IMMP2L: variants seen among roughly 807,000 people sequenced by gnomAD.
The protein encoded by IMMP2L is mitochondrial inner membrane protease subunit 2.
IMMP2L carries 18 observed loss-of-function variants against 19.3 expected under a neutral mutation model. The ratio of observed to expected loss-of-function variants is 0.93; its 90% CI spans 0.64 to 1.38. IMMP2L has a LOEUF of 1.38. IMMP2L is among the 40% of genes most tolerant of loss of function. The probability of loss-of-function intolerance (pLI) is 0.00; values close to 1 mark genes in which losing one functional copy is unlikely to be tolerated. For synonymous variants in IMMP2L, 76 were observed against 73.0 expected (o/e 1.04, Z -0.21); for missense variants, 233 against 218.2 (o/e 1.07, Z -0.43).
Position 110,868,390 on chromosome 7 carries a change from G to A in IMMP2L, c.408+18203C>T, listed in dbSNP as rs150202714. 3.5e-3 allele frequency among the ~76,000 whole-genome samples: 535 copies of A among 152,110 alleles called. 22 individuals are homozygous for A. The East Asian group carries it at 0.062, about 18-fold the overall frequency. ...AGACAACCCTTTGAGCTAGTTTAGC[G>A]ATAAGCACCAAAATCAATCACCCCA... On this transcript the variant is annotated intron_variant, in intron 5 of 5. Coordinates refer to ENST00000405709, the MANE Select transcript of IMMP2L (RefSeq NM_032549.4).
intron 2 of IMMP2L, among the ~76,000 whole-genome samples, chr7:111,519,020 C>T (rs1272381425): frequency 2.0e-5 from 3 of 152,104 alleles, no homozygotes; most frequent in African/African-American, 4.8e-5. Context: ...GGACCAATCA[C>T]GGTACCCCAT....
chr7:111,506,874 C>T (rs762341424), intron 2 of IMMP2L, among the ~76,000 whole-genome samples: 3 of 152,122 alleles, frequency 2.0e-5, no homozygotes, highest in East Asian at 1.9e-4. Context: ...CAGAGTCTCA[C>T]GGTGTCACCC....
intron 2 of IMMP2L, among the ~76,000 whole-genome samples, chr7:111,519,619 A>G (rs1846166613): frequency 6.6e-6 from 1 of 152,098 alleles, no homozygotes; most frequent in African/African-American, 2.4e-5. Flanking sequence ...TTGTCCTTTC[A>G]TAAGGCAGTC....
intron 1 of IMMP2L, among the ~76,000 whole-genome samples, chr7:111,527,260 T>C (rs1008370307): frequency 2.0e-5 from 3 of 151,888 alleles, no homozygotes; most frequent in Non-Finnish European, 4.4e-5. Context: ...TCTCTAAAAA[T>C]TTAAAAATTA....
intron 3 of IMMP2L, among the ~76,000 whole-genome samples, chr7:111,396,089 C>T (rs1160835429): frequency 6.6e-6 from 1 of 152,064 alleles, no homozygotes; most frequent in Admixed American, 6.5e-5. Flanking sequence ...CCTCAAGGAT[C>T]TAGAACTAGA....
At chr7:111,196,697 ATT>A (rs1030517269) in intron 3 of IMMP2L, among the ~76,000 whole-genome samples, 3 of 152,140 alleles carry the variant, frequency 2.0e-5, no homozygotes, top group Non-Finnish European at 4.4e-5. Context: ...TTAAATAATC[ATT>A]TTTCCTAGCT....
intron 3 of IMMP2L, among the ~76,000 whole-genome samples, chr7:111,161,917 C>T (rs1396590525): frequency 6.6e-6 from 1 of 151,882 alleles, no homozygotes; most frequent in African/African-American, 2.4e-5. Context: ...AATAAAGTAT[C>T]CAACATTTAA....
chr7:111,409,473 TA>T (rs1834182659), intron 3 of IMMP2L, among the ~76,000 whole-genome samples: 1 of 151,810 alleles, frequency 6.6e-6, no homozygotes, highest in Non-Finnish European at 1.5e-5. Flanking sequence ...AATCCATTTT[TA>T]AAAGAAGCTG....
intron 5 of IMMP2L, among the ~76,000 whole-genome samples, chr7:110,751,109 G>C (rs747114364): frequency 6.6e-5 from 10 of 151,228 alleles, no homozygotes; most frequent in Non-Finnish European, 1.3e-4. Flanking sequence ...ACTCTCTTGA[G>C]AACATAATGG....
At chr7:111,468,199 T>A (rs909159324) in intron 3 of IMMP2L, among the ~76,000 whole-genome samples, 4 of 152,172 alleles carry the variant, frequency 2.6e-5, no homozygotes, top group African/African-American at 9.7e-5. Context: ...TTAACCAAGA[T>A]AATCTGCTAT....
At chr7:110,813,850 G>C (rs1802235441) in intron 5 of IMMP2L, among the ~76,000 whole-genome samples, 1 of 150,294 alleles carries the variant, frequency 6.7e-6, no homozygotes, top group Admixed American at 6.6e-5. Flanking sequence ...TGCATTTTTT[G>C]CCTGAGTTTA....
chr7:110,832,654 C>T (rs913503499), intron 5 of IMMP2L, among the ~76,000 whole-genome samples: 8 of 152,062 alleles, frequency 5.3e-5, no homozygotes, highest in African/African-American at 1.9e-4. Context: ...CCACTTAACC[C>T]TGGACAGGCA....
At chr7:111,177,583 T>C (rs1025599249) in intron 3 of IMMP2L, among the ~76,000 whole-genome samples, 1 of 152,088 alleles carries the variant, frequency 6.6e-6, no homozygotes, top group Admixed American at 6.6e-5. Context: ...CTGTATCAAC[T>C]GGAATAATAG....
intron 3 of IMMP2L, among the ~76,000 whole-genome samples, chr7:111,142,325 CAAAAAA>C (rs761556733): frequency 3.2e-5 from 2 of 62,502 alleles, no homozygotes; most frequent in African/African-American, 1.2e-4. Context: ...GACTCTGTCT[CAAAAAA>C]AAAAAAAAAA....
At chr7:110,959,082 A>G (rs1196762429) in intron 4 of IMMP2L, among the ~76,000 whole-genome samples, 3 of 151,984 alleles carry the variant, frequency 2.0e-5, no homozygotes, top group African/African-American at 7.2e-5. Context: ...GGAAGATTGG[A>G]TTAATCCTTC....
Position 111,447,702 on chromosome 7 carries a change from T to A in IMMP2L, c.239+39536A>T, listed in dbSNP as rs574059009. On this transcript the variant is annotated intron_variant, in intron 3 of 5. Transcript: ENST00000405709. Reference sequence around the variant, plus strand: ...ATAATGACAGGATCAAATTCACACATAACAATATTAACTTTAAATGTAAAT... The same window carrying A: ...ATAATGACAGGATCAAATTCACACAAAACAATATTAACTTTAAATGTAAAT... Among the ~76,000 whole-genome samples, 28 of 150,974 alleles carry A rather than the reference T, an allele frequency of 1.9e-4. 1 individual carries two copies. Among genetic ancestry groups the A allele is most frequent in the African/African-American group, 6.8e-4 (28 of 41,012 alleles).
chr7:110,736,499 T>C (rs529583761), intron 5 of IMMP2L, among the ~76,000 whole-genome samples: 4 of 152,192 alleles, frequency 2.6e-5, no homozygotes, highest in Non-Finnish European at 4.4e-5. Context: ...TGCAATGCCA[T>C]GAAAGCTGCT....
At chr7:111,011,218 T>A (rs1016136351) in intron 3 of IMMP2L, among the ~76,000 whole-genome samples, 3 of 152,114 alleles carry the variant, frequency 2.0e-5, no homozygotes, top group African/African-American at 7.2e-5. Context: ...GCTAGATTAA[T>A]CATGTTGAAT....
chr7:111,052,561 C>A (rs998197792), intron 3 of IMMP2L, among the ~76,000 whole-genome samples: 6 of 152,140 alleles, frequency 3.9e-5, no homozygotes, highest in African/African-American at 1.4e-4. Flanking sequence ...CCAATGTATA[C>A]CTTACTGTAT....
Sources: allele counts gnomAD v4.1 joint callset (sites outside exome capture counted in the v4.1 genomes callset), GRCh38; gene constraint gnomAD v4.1.1; transcripts MANE v1.5; gene names NCBI Gene and HGNC (gene_info 2026-07-23, HGNC 2026-07-21).